SBF2: variants seen among roughly 807,000 people sequenced by gnomAD.
SBF2 encodes the protein myotubularin-related protein 13.
In SBF2, 112 loss-of-function variants were observed where a neutral mutation model predicts 225.2. The ratio of observed to expected loss-of-function variants is 0.50; its 90% confidence interval spans 0.43 to 0.58. SBF2 has a LOEUF of 0.58. Among genes scored for constraint, SBF2 ranks in the 20% least tolerant of loss-of-function variants. SBF2 has a pLI of 0.00. For synonymous variants in SBF2, 763 were observed against 773.3 expected (o/e 0.99, Z 0.22); for missense variants, 1,996 against 2,206.2 (o/e 0.90, Z 1.91).
intron 1 of SBF2, among the ~76,000 whole-genome samples, chr11:10,194,321 T>C (rs1412991275): frequency 6.6e-6 from 1 of 152,186 alleles, no homozygotes; most frequent in Non-Finnish European, 1.5e-5. Context: ...TTCATTGTAT[T>C]AGGTATTATA....
intron 2 of SBF2, among the ~76,000 whole-genome samples, chr11:10,163,113 AAAAT>A (rs1267056769): frequency 4.6e-5 from 7 of 152,216 alleles, no homozygotes; most frequent in Non-Finnish European, 1.0e-4. Flanking sequence ...TAGTAGGAGA[AAAAT>A]AAAAGCTGAA....
At chr11:10,218,547 CCA>C (rs1446600440) in intron 1 of SBF2, among the ~76,000 whole-genome samples, 4 of 152,110 alleles carry the variant, frequency 2.6e-5, no homozygotes, top group African/African-American at 7.2e-5. Flanking sequence ...ACTCAAAAGT[CCA>C]CAGTCTGAAG....
intron 6 of SBF2, among the ~76,000 whole-genome samples, chr11:10,017,198 G>GA (rs1293838457): frequency 6.6e-6 from 1 of 151,824 alleles, no homozygotes; most frequent in South Asian, 2.1e-4. Flanking sequence ...TTTGGGGAAA[G>GA]AAAAAAAGAA....
chr11:10,196,861 TATATA>T (rs1266131394), intron 1 of SBF2, among the ~76,000 whole-genome samples: 4,954 of 29,262 alleles, frequency 0.17, 418 homozygotes, highest in Non-Finnish European at 0.32. Flanking sequence ...TATATATATA[TATATA>T]TTTTTTTTTT....
chr11:9,967,902 T>C (rs1419504293), intron 14 of SBF2, among the ~76,000 whole-genome samples: 2 of 150,090 alleles, frequency 1.3e-5, no homozygotes, highest in East Asian at 3.9e-4. Context: ...GCAACAAGGG[T>C]GAAACTCAAT....
At chr11:9,883,698 CTCAT>C (rs1860016308) in intron 17 of SBF2, among the ~76,000 whole-genome samples, 2 of 152,090 alleles carry the variant, frequency 1.3e-5, no homozygotes, top group Admixed American at 6.5e-5. Context: ...GTTGAGGTTC[CTCAT>C]TTAGACTACC....
At chr11:10,050,749 G>A (rs1444536290) in intron 2 of SBF2, among the ~76,000 whole-genome samples, 3 of 152,150 alleles carry the variant, frequency 2.0e-5, no homozygotes, top group South Asian at 2.1e-4. Context: ...TGACTAATGG[G>A]TGCATAGTGT....
rs1839478193 is a variant in SBF2 at position 9,779,525 on chromosome 11, C to A, written c.*893G>T. 6.5e-6 allele frequency: 1 copy of A among 152,682 alleles called. No individual in the cohort carries two copies. The highest frequency in any genetic ancestry group is 6.5e-5 in the Admixed American group (1 of 15,288). 9.5% of individuals were successfully genotyped at this position (152,682 alleles called of 1,614,324 possible). A position where few individuals can be genotyped will look rare whatever the true frequency, so the allele number is the denominator to read the frequency against. On this transcript the variant is annotated 3_prime_UTR_variant, in exon 40 of 40. Transcript: ENST00000256190. ...TGCCACAGTGTGACTGTGGTCAACACAGCCCTTGTCACAGGTGCGTATGGT... is the reference window on the plus strand; with the variant it reads ...TGCCACAGTGTGACTGTGGTCAACAAAGCCCTTGTCACAGGTGCGTATGGT...
At chr11:9,817,618 T>G (rs1324203275) in intron 28 of SBF2, among the ~76,000 whole-genome samples, 1 of 151,850 alleles carries the variant, frequency 6.6e-6, no homozygotes, top group Non-Finnish European at 1.5e-5. Flanking sequence ...GAATTATAAG[T>G]TTAGTAATGG....
At chr11:10,028,171 C>T (rs1437409135) in intron 6 of SBF2, among the ~76,000 whole-genome samples, 1 of 152,094 alleles carries the variant, frequency 6.6e-6, no homozygotes, top group African/African-American at 2.4e-5. Flanking sequence ...GCCTCGGCCT[C>T]CCAAAGTACT....
chr11:10,246,382 C>T (rs1324023802), intron 1 of SBF2, among the ~76,000 whole-genome samples: 1 of 152,186 alleles, frequency 6.6e-6, no homozygotes, highest in African/African-American at 2.4e-5. Flanking sequence ...CTCCCGGGTT[C>T]AAGCAATTCT....
intron 28 of SBF2, among the ~76,000 whole-genome samples, chr11:9,823,276 T>G (rs1360867613): frequency 6.6e-6 from 1 of 152,180 alleles, no homozygotes; most frequent in African/African-American, 2.4e-5. Flanking sequence ...GCAGCCCTTG[T>G]ATTAGGAACT....
rs564174934 is a variant in SBF2 at position 10,173,566 on chromosome 11, C to T, written c.141+20336G>A. On this transcript the variant is annotated intron_variant, in intron 2 of 39. Transcript: ENST00000256190. ...AGCAGTCTGAGATCAAACTGCAAGG[C>T]GGCAGCGAGGCTGGGGGAGGGGCGC... Among the ~76,000 whole-genome samples, 45 of 152,248 alleles carry T rather than the reference C, an allele frequency of 3.0e-4. No individual in the cohort carries two copies. The East Asian group carries it at 4.4e-3, about 15-fold the overall frequency.
chr11:10,300,051 A>G (rs1591386105), intron 1 of SBF2, among the ~76,000 whole-genome samples: 1 of 152,078 alleles, frequency 6.6e-6, no homozygotes, highest in East Asian at 1.9e-4. Flanking sequence ...ATTTTTTCTA[A>G]TGTACCAAGT....
chr11:10,194,636 G>A (rs1221777605), intron 1 of SBF2, among the ~76,000 whole-genome samples: 1 of 152,000 alleles, frequency 6.6e-6, no homozygotes, highest in Admixed American at 6.6e-5. Flanking sequence ...TCAGCCTCCC[G>A]AGTAGCTGGG....
At chr11:10,249,432 T>C (rs1960129239) in intron 1 of SBF2, among the ~76,000 whole-genome samples, 1 of 152,096 alleles carries the variant, frequency 6.6e-6, no homozygotes, top group Admixed American at 6.5e-5. Context: ...GAAAAATGTA[T>C]TTGCCTTTTA....
At chr11:10,065,237 C>A (rs1180474119) in intron 2 of SBF2, among the ~76,000 whole-genome samples, 1 of 151,664 alleles carries the variant, frequency 6.6e-6, no homozygotes, top group Non-Finnish European at 1.5e-5. Context: ...TGAAAACAAC[C>A]TATAAAAATT....
intron 16 of SBF2, among the ~76,000 whole-genome samples, chr11:9,955,115 T>C (rs986085942): frequency 2.0e-5 from 3 of 152,048 alleles, no homozygotes; most frequent in African/African-American, 7.2e-5. Context: ...TTTTTTCAAA[T>C]TATAAAAGTA....
rs1308892481 is a variant in SBF2, at chr11:9,988,319, T to C, written c.1395+1178A>G. On this transcript the variant is annotated intron_variant, in intron 13 of 39. Coordinates refer to ENST00000256190, the MANE Select transcript of SBF2 (RefSeq NM_030962.4). ...CTGAAACTATAAGAATTCTAGAACA[T>C]TGGAAAAACCCTTCTAGACATTGGC... Among the ~76,000 whole-genome samples, 4 of 152,062 alleles carry C rather than the reference T, an allele frequency of 2.6e-5. No homozygotes were observed. The South Asian group carries it at 8.3e-4, about 31-fold the overall frequency.
Sources: allele counts gnomAD v4.1 joint callset (sites outside exome capture counted in the v4.1 genomes callset), GRCh38; gene constraint gnomAD v4.1.1; transcripts MANE v1.5; gene names NCBI Gene and HGNC (gene_info 2026-07-23, HGNC 2026-07-21).